GRID2: variants seen among roughly 807,000 people sequenced by gnomAD.
GRID2 encodes the protein glutamate receptor ionotropic, delta-2.
In GRID2, 33 loss-of-function variants were observed where a neutral mutation model predicts 114.8. The ratio of observed to expected loss-of-function variants is 0.29; its 90% confidence interval spans 0.22 to 0.38. The LOEUF (loss-of-function observed/expected upper bound fraction) is 0.38, where lower values mean the gene tolerates loss of function less well. Ranked by LOEUF, GRID2 falls within the 10% of genes least tolerant of loss-of-function variation. The pLI is 1.00. For missense variants in GRID2, 1,184 were observed against 1,257.7 expected (o/e 0.94, Z 0.89); for synonymous variants, 505 against 449.9 (o/e 1.12, Z -1.55).
intron 2 of GRID2, among the ~76,000 whole-genome samples, chr4:92,893,433 T>G (rs1007409854): frequency 6.6e-6 from 1 of 152,204 alleles, no homozygotes; most frequent in Non-Finnish European, 1.5e-5. Flanking sequence ...ACATAAATCC[T>G]GAGCCCTTGT....
chr4:93,427,568 A>G (rs377412636), intron 10 of GRID2, among the ~76,000 whole-genome samples: 12 of 152,124 alleles, frequency 7.9e-5, no homozygotes, highest in African/African-American at 2.9e-4. Context: ...GAGTCAAAGA[A>G]GAAATGTTGG....
At position 92,892,060 on chromosome 4, in the gene GRID2, T is replaced by G. The variant is rs1317425709; in HGVS notation, c.245-192935T>G. On this transcript the variant is annotated intron_variant, in intron 2 of 15. Transcript: ENST00000282020. ...TGAAAATGTAATAGCTGGTTTTTTT[T>G]TTTGTTTTTGTTTTTGTTTTGAGAT... is the stretch of plus-strand genomic sequence containing the variant. Among the ~76,000 whole-genome samples the G allele has an allele frequency of 2.0e-5, 3 of 152,124 alleles. No homozygotes were observed. In the East Asian group the frequency reaches 5.8e-4, roughly 29 times the overall value.
chr4:93,104,983 T>C (rs1732065651), intron 3 of GRID2, among the ~76,000 whole-genome samples: 1 of 151,842 alleles, frequency 6.6e-6, no homozygotes, highest in African/African-American at 2.4e-5. Flanking sequence ...TTTCCTGACT[T>C]TTTAATGATT....
chr4:93,457,889 C>T (rs1723357302), intron 11 of GRID2, among the ~76,000 whole-genome samples: 1 of 152,136 alleles, frequency 6.6e-6, no homozygotes, highest in Non-Finnish European at 1.5e-5. Context: ...ATCCGTGAAA[C>T]ATCCAAAAGA....
intron 1 of GRID2, among the ~76,000 whole-genome samples, chr4:92,323,887 T>G (rs2110131429): frequency 6.6e-6 from 1 of 152,144 alleles, no homozygotes; most frequent in East Asian, 1.9e-4. Flanking sequence ...AGGAATTTTT[T>G]GAATACTCTA....
intron 1 of GRID2, among the ~76,000 whole-genome samples, chr4:92,585,537 T>A (rs996757625): frequency 6.6e-6 from 1 of 152,010 alleles, no homozygotes; most frequent in Admixed American, 6.6e-5. Context: ...AATGTAGATG[T>A]GTTGATGCTT....
intron 8 of GRID2, among the ~76,000 whole-genome samples, chr4:93,337,688 C>T (rs1240627093): frequency 1.3e-5 from 2 of 152,128 alleles, no homozygotes; most frequent in African/African-American, 4.8e-5. Flanking sequence ...GGCCTCTGCT[C>T]ACAAGATATA....
At chr4:93,595,443 T>G (rs569908530) in intron 13 of GRID2, among the ~76,000 whole-genome samples, 1 of 152,316 alleles carries the variant, frequency 6.6e-6, no homozygotes, top group South Asian at 2.1e-4. Context: ...GGCAAATTAT[T>G]GATCCCCTCT....
In GRID2 at chr4:92,674,773, G is replaced by A. The variant is rs554466265; in HGVS notation, c.244+84487G>A. 1.9e-4 allele frequency among the ~76,000 whole-genome samples: 29 copies of A among 152,110 alleles called. No homozygotes were observed. In the East Asian group the frequency reaches 2.3e-3, roughly 12 times the overall value. ...CTTGACCTCGTGATCCACCCGCTTC[G>A]GCCTCCCAAAGTCCAAAAGTGCTAG... On this transcript the variant is annotated intron_variant, in intron 2 of 15. Coordinates refer to ENST00000282020, the MANE Select transcript of GRID2 (RefSeq NM_001510.4).
intron 1 of GRID2, among the ~76,000 whole-genome samples, chr4:92,314,321 C>G (rs1012433984): frequency 6.6e-6 from 1 of 152,040 alleles, no homozygotes; most frequent in Non-Finnish European, 1.5e-5. Flanking sequence ...TGGTAATGTA[C>G]TAATTCCAGG....
chr4:93,075,754 A>G (rs1008577303), intron 2 of GRID2, among the ~76,000 whole-genome samples: 4 of 152,142 alleles, frequency 2.6e-5, no homozygotes, highest in Non-Finnish European at 5.9e-5. Context: ...ACAAAGGTGC[A>G]AGACATGTAC....
chr4:92,437,299 A>G (rs1417797849), intron 1 of GRID2, among the ~76,000 whole-genome samples: 1 of 152,180 alleles, frequency 6.6e-6, no homozygotes, highest in Non-Finnish European at 1.5e-5. Context: ...TTTTGTTTTG[A>G]GACAGATTCT....
intron 14 of GRID2, among the ~76,000 whole-genome samples, chr4:93,635,661 T>C (rs879548061): frequency 6.6e-6 from 1 of 152,066 alleles, no homozygotes; most frequent in Non-Finnish European, 1.5e-5. Context: ...TCTATCATTC[T>C]TTTTCTGTTT....
At chr4:93,081,231 A>G (rs1199057125) in intron 2 of GRID2, among the ~76,000 whole-genome samples, 3 of 152,238 alleles carry the variant, frequency 2.0e-5, no homozygotes, top group African/African-American at 7.2e-5. Flanking sequence ...AAAGATCACA[A>G]AGAAGATATA....
At chr4:93,552,100 A>G (rs145896824) in intron 13 of GRID2, among the ~76,000 whole-genome samples, 1,661 of 142,530 alleles carry the variant, frequency 0.012, 28 homozygotes, top group African/African-American at 0.042. Flanking sequence ...TCTTTATTCA[A>G]TTCCCACCTA....
chr4:93,321,682 T>A (rs1437265089), intron 8 of GRID2, among the ~76,000 whole-genome samples: 2 of 151,984 alleles, frequency 1.3e-5, no homozygotes, highest in Non-Finnish European at 2.9e-5. Context: ...ATACTTTTTT[T>A]ATTCACTTCT....
intron 14 of GRID2, among the ~76,000 whole-genome samples, chr4:93,667,960 A>G (rs1038700176): frequency 6.6e-6 from 1 of 152,022 alleles, no homozygotes; most frequent in African/African-American, 2.4e-5. Context: ...ATTTCTTTTC[A>G]AGATTATCAA....
At chr4:92,927,313 A>C (rs960230371) in intron 2 of GRID2, among the ~76,000 whole-genome samples, 1 of 151,880 alleles carries the variant, frequency 6.6e-6, no homozygotes, top group African/African-American at 2.4e-5. Flanking sequence ...CTTACTTGCT[A>C]TAATAGCTTA....
At chr4:92,923,206 T>A (rs1249947974) in intron 2 of GRID2, among the ~76,000 whole-genome samples, 1 of 152,204 alleles carries the variant, frequency 6.6e-6, no homozygotes, top group Non-Finnish European at 1.5e-5. Flanking sequence ...TTTGAAAGGA[T>A]AACTGTCAGG....
Sources: allele counts gnomAD v4.1 joint callset (sites outside exome capture counted in the v4.1 genomes callset), GRCh38; gene constraint gnomAD v4.1.1; transcripts MANE v1.5; gene names NCBI Gene and HGNC (gene_info 2026-07-23, HGNC 2026-07-21).